The following AEBP2 variants were observed in gnomAD, a reference collection of about 807,000 sequenced individuals.
AEBP2 encodes zinc finger protein AEBP2.
AEBP2 carries 10 observed loss-of-function variants against 50.8 expected under a neutral mutation model. The ratio of observed to expected loss-of-function variants is 0.20; its 90% CI spans 0.12 to 0.33. The LOEUF (loss-of-function observed/expected upper bound fraction) is 0.33, where lower values mean the gene tolerates loss of function less well. Among genes scored for constraint, AEBP2 ranks in the 10% least tolerant of loss-of-function variants. AEBP2 has a pLI of 1.00. For synonymous variants in AEBP2, 296 were observed against 261.3 expected (o/e 1.13, Z -1.28); for missense variants, 570 against 688.0 (o/e 0.83, Z 1.92).
intron 1 of AEBP2, chr12:19,457,081 G>A (rs1948282271): frequency 6.2e-7 from 1 of 1,604,918 alleles, no homozygotes; most frequent in South Asian, 1.1e-5. Context: ...TTCTGTGTCG[G>A]GGTTGTAGCC....
Position 19,439,695 on chromosome 12 carries a change from C to T in AEBP2, c.-5C>T. 4 of 1,507,028 alleles carry T rather than the reference C, an allele frequency of 2.7e-6. No individual in the cohort carries two copies. The highest frequency in any genetic ancestry group is 3.5e-6 in the Non-Finnish European group (4 of 1,135,826). The allele number at this position is 1,507,028 out of a possible 1,614,324, so 93.4% of individuals were successfully genotyped here. A position where few individuals can be genotyped will look rare whatever the true frequency, so the allele number is the denominator to read the frequency against. On this transcript the variant is annotated 5_prime_UTR_variant, in exon 1 of 8. Transcript: ENST00000266508. ...GGAGGAGGAGGAGGAGGAGCAGGCG[C>T]CGCCATGGCCGCCGCTATCACCGAC...
intron 1 of AEBP2, among the ~76,000 whole-genome samples, chr12:19,426,052 C>T (rs1245141123): frequency 6.6e-6 from 1 of 152,148 alleles, no homozygotes; most frequent in Non-Finnish European, 1.5e-5. Flanking sequence ...CCTCCCACCT[C>T]AGCCTCCTGA....
intron 4 of AEBP2, 117 bp from the exon 5 acceptor site, chr12:19,499,980 A>G: frequency 9.9e-7 from 1 of 1,013,214 alleles, no homozygotes; most frequent in Non-Finnish European, 1.4e-6. Flanking sequence ...GTAAGCAAAT[A>G]ATAATCTTGA....
intron 1 of AEBP2, chr12:19,456,363 G>T (rs1439818498): frequency 2.9e-6 from 4 of 1,375,766 alleles, no homozygotes; most frequent in Middle Eastern, 2.5e-4. Context: ...ATGAACAGCA[G>T]CGCGACCCAG....
intron 3 of AEBP2, among the ~76,000 whole-genome samples, chr12:19,487,733 A>G (rs997012617): frequency 1.3e-5 from 2 of 152,110 alleles, no homozygotes. Context: ...ATAAAGAAAA[A>G]AAAAGAGTGA....
chr12:19,422,198 G>A (rs908840925), intron 1 of AEBP2, among the ~76,000 whole-genome samples: 3 of 152,010 alleles, frequency 2.0e-5, no homozygotes, highest in African/African-American at 7.2e-5. Context: ...GGAAGATCTG[G>A]GCAACCATAC....
chr12:19,463,152 C>G (rs1272475991), intron 2 of AEBP2, among the ~76,000 whole-genome samples: 1 of 152,112 alleles, frequency 6.6e-6, no homozygotes, highest in Admixed American at 6.6e-5. Context: ...AAATAACAAC[C>G]TGAACTCATT....
intron 1 of AEBP2, among the ~76,000 whole-genome samples, chr12:19,405,961 C>T (rs1394656888): frequency 7.3e-6 from 1 of 137,848 alleles, no homozygotes; most frequent in Admixed American, 7.9e-5. Context: ...ACCACCATGC[C>T]TGGCCAGTTT....
intron 7 of AEBP2, among the ~76,000 whole-genome samples, chr12:19,516,922 G>C (rs1949328025): frequency 6.6e-6 from 1 of 152,148 alleles, no homozygotes. Flanking sequence ...AGCTACTCTG[G>C]AGGCTGAGGC....
At chr12:19,430,768 GCT>G (rs912337489) in intron 1 of AEBP2, among the ~76,000 whole-genome samples, 1 of 152,062 alleles carries the variant, frequency 6.6e-6, no homozygotes, top group African/African-American at 2.4e-5. Context: ...TCATGATTTG[GCT>G]CTCTGTCTGT....
chr12:19,507,377 G>A (rs1039925320), intron 5 of AEBP2, among the ~76,000 whole-genome samples: 2 of 152,142 alleles, frequency 1.3e-5, no homozygotes, highest in African/African-American at 4.8e-5. Flanking sequence ...GAGGAATAGC[G>A]ATGGCTCCAA....
intron 2 of AEBP2, among the ~76,000 whole-genome samples, chr12:19,465,982 G>A (rs1192376041): frequency 6.6e-6 from 1 of 150,940 alleles, no homozygotes; most frequent in African/African-American, 2.4e-5. Context: ...AGTATAGATG[G>A]GATTTCACCA....
At chr12:19,466,727 A>C in intron 2 of AEBP2, 2 of 900,648 alleles carry the variant, frequency 2.2e-6, no homozygotes, top group Non-Finnish European at 2.7e-6. Context: ...TAGATTTCTT[A>C]TTTCTTCTTT....
At chr12:19,424,490 G>A (rs1313096326) in intron 1 of AEBP2, among the ~76,000 whole-genome samples, 2 of 151,646 alleles carry the variant, frequency 1.3e-5, no homozygotes, top group African/African-American at 4.8e-5. Flanking sequence ...TCTGCCTCCC[G>A]GGTTCACGCC....
At chr12:19,439,454 G>C (rs939513513), upstream of AEBP2, among the ~76,000 whole-genome samples, 1 of 151,460 alleles carries the variant, frequency 6.6e-6, no homozygotes, top group African/African-American at 2.4e-5. Flanking sequence ...CCGCAGCCGG[G>C]GGAGGTGCTG....
intron 1 of AEBP2, among the ~76,000 whole-genome samples, chr12:19,446,632 T>C (rs1226994465): frequency 6.7e-6 from 1 of 150,176 alleles, no homozygotes; most frequent in Non-Finnish European, 1.5e-5. Context: ...CTTGGGAGAC[T>C]GAGGCAGGAG....
intron 5 of AEBP2, chr12:19,509,329 G>T (rs1949199383): frequency 5.0e-6 from 1 of 201,844 alleles, no homozygotes. Context: ...CTTTTGGTTG[G>T]CTAAGCTAAG....
rs1362087630 is a variant in AEBP2, at chr12:19,493,907, A to G, written c.1095A>G (p.Pro365=). The G allele has an allele frequency of 6.2e-7, 1 of 1,613,776 alleles. No individual in the cohort carries two copies. The highest frequency in any genetic ancestry group is 1.3e-5 in the African/African-American group (1 of 75,058). The change falls in exon 4 of 8, where the codon CCA becomes CCG. Residue 365 remains proline (P), a synonymous_variant. Transcript: ENST00000266508. ...QQNSSKVSSQ[P]KAKEESPSKA... The stretch of plus-strand genomic sequence containing the variant: ...ACTCCTCAAAAGTTTCTAGCCAGCC[A>G]AAGGCCAAAGAAGAATCTCCTTCTA...
Position 19,440,244 on chromosome 12 carries a change from C to G in AEBP2, c.545C>G (p.Ser182Cys), listed in dbSNP as rs1259504965. 6.8e-7 allele frequency: 1 copy of G among 1,468,382 alleles called. No homozygotes were observed. The highest frequency in any genetic ancestry group is 8.9e-7 in the Non-Finnish European group (1 of 1,121,688). 91.0% of individuals were successfully genotyped at this position (1,468,382 alleles called of 1,614,324 possible). ...GGGSSSSSVV[S>C]SGGDEGYGTG... is the part of the protein sequence containing the mutation. ...GGCAGCAGTAGCAGCAGCGTAGTCT[C>G]CAGCGGCGGCGACGAGGGCTACGGG... Residue 182 changes from serine (S) to cysteine (C), a missense_variant, in exon 1 of 8, where the codon TCC becomes TGC. Physicochemically the swap from Ser to Cys is moderately radical, Grantham distance 112. Transcript: ENST00000266508.
Sources: gnomAD v4.1 joint callset for allele counts (sites outside exome capture counted in the v4.1 genomes callset) on GRCh38, gnomAD v4.1.1 for gene constraint, MANE v1.5 for transcripts, NCBI Gene and HGNC (gene_info 2026-07-23, HGNC 2026-07-21) for gene names.